The following STRBP variants were observed in gnomAD, a reference collection of about 807,000 sequenced individuals.
STRBP encodes the protein spermatid perinuclear RNA-binding protein.
In STRBP, 13 loss-of-function variants were observed where a neutral mutation model predicts 80.1. That is an observed-to-expected ratio of 0.16 (90% confidence interval 0.11 to 0.26). The LOEUF is 0.26. STRBP is among the 10% of genes least tolerant of loss of function. The pLI, the probability that STRBP is intolerant of heterozygous loss-of-function variation, is 1.00. For missense variants in STRBP, 485 were observed against 815.2 expected (o/e 0.59, Z 4.93); for synonymous variants, 284 against 291.2 (o/e 0.98, Z 0.25).
At chr9:123,185,948 C>T (rs1351470219) in intron 2 of STRBP, among the ~76,000 whole-genome samples, 1 of 147,990 alleles carries the variant, frequency 6.8e-6, no homozygotes, top group African/African-American at 2.5e-5. Context: ...AGGAGAATGG[C>T]GTGAACCCGG....
rs374863381 is a variant in STRBP, at chr9:123,253,696, T to C, written c.-302+14740A>G. Among the ~76,000 whole-genome samples, 19 of 152,388 alleles carry C rather than the reference T, an allele frequency of 1.2e-4. No homozygotes were observed. The East Asian group carries it at 3.3e-3, about 26-fold the overall frequency. On this transcript the variant is annotated intron_variant, in intron 1 of 18. Transcript: ENST00000348403. ...CTGCTATCAGCATTATTATTCATTA[T>C]GTGCCTGACACATTCTTTTTTGATG... is the stretch of plus-strand genomic sequence containing the variant.
intron 11 of STRBP, among the ~76,000 whole-genome samples, chr9:123,149,302 T>G (rs1263784777): frequency 1.3e-5 from 2 of 152,252 alleles, no homozygotes; most frequent in East Asian, 3.8e-4. Flanking sequence ...CAACGTTGGC[T>G]GAGTATTATA....
chr9:123,138,970 T>C (rs1020259642), intron 14 of STRBP, among the ~76,000 whole-genome samples: 2 of 152,222 alleles, frequency 1.3e-5, no homozygotes, highest in Non-Finnish European at 2.9e-5. Flanking sequence ...GTACTGTGTA[T>C]ACTCAGTACT....
chr9:123,213,313 C>G (rs2039777671), intron 2 of STRBP, among the ~76,000 whole-genome samples: 1 of 152,174 alleles, frequency 6.6e-6, no homozygotes, highest in South Asian at 2.1e-4. Flanking sequence ...CTGACAAAAT[C>G]TCAGTTATTC....
At chr9:123,148,149 C>A (rs138100012) in intron 11 of STRBP, among the ~76,000 whole-genome samples, 1,628 of 152,194 alleles carry the variant, frequency 0.011, 7 homozygotes, top group Admixed American at 0.015. Flanking sequence ...CTGAATGTGT[C>A]CCCCCAAAAT....
rs2035883243 is a variant in STRBP at position 123,126,097 on chromosome 9, G to A, written c.1943-424C>T. On this transcript the variant is annotated intron_variant, in intron 18 of 18. Coordinates refer to ENST00000348403, the MANE Select transcript of STRBP (RefSeq NM_018387.5). The surrounding 1 kb of genome is among the most constrained non-coding windows in gnomAD (Gnocchi z 4.4). The stretch of plus-strand genomic sequence containing the variant: ...GACCTCAGCTCCAGCTGGAGCCATG[G>A]CCAGGCGTTTACTTAACTTCTTAAT... Among the ~76,000 whole-genome samples the A allele has an allele frequency of 6.6e-6, 1 of 152,236 alleles. No homozygotes were observed. Among genetic ancestry groups the A allele is most frequent in the African/African-American group, 2.4e-5 (1 of 41,470 alleles).
intron 2 of STRBP, among the ~76,000 whole-genome samples, chr9:123,221,200 G>A (rs2040055505): frequency 6.6e-6 from 1 of 152,078 alleles, no homozygotes; most frequent in South Asian, 2.1e-4. Flanking sequence ...CTACTAAGGG[G>A]TGCCCCTTTC....
At chr9:123,259,958 G>A (rs2041125384) in intron 1 of STRBP, among the ~76,000 whole-genome samples, 1 of 152,226 alleles carries the variant, frequency 6.6e-6, no homozygotes, top group Non-Finnish European at 1.5e-5. Context: ...ACAGTTTTCA[G>A]TAGAGTGGTG....
At chr9:123,119,771 C>T (rs2035701227), downstream of STRBP, among the ~76,000 whole-genome samples, 1 of 152,154 alleles carries the variant, frequency 6.6e-6, no homozygotes, top group South Asian at 2.1e-4. Flanking sequence ...CTGTTCAAAA[C>T]ATATTATGTG....
chr9:123,185,229 T>C, intron 2 of STRBP, among the ~76,000 whole-genome samples: 1 of 152,188 alleles, frequency 6.6e-6, no homozygotes, highest in East Asian at 1.9e-4. Flanking sequence ...TAAATATCTT[T>C]CCTTTAATAA....
intron 18 of STRBP, among the ~76,000 whole-genome samples, chr9:123,127,759 T>C (rs1247782586): frequency 6.6e-6 from 1 of 152,134 alleles, no homozygotes. Context: ...AAAGCAAAGT[T>C]ATGGAAAAGA....
intron 1 of STRBP, among the ~76,000 whole-genome samples, chr9:123,241,121 G>T (rs144403216): frequency 9.4e-4 from 142 of 151,602 alleles, no homozygotes; most frequent in African/African-American, 3.1e-3. Flanking sequence ...GGAGGTTGCG[G>T]TGAGCCAAGA....
chr9:123,222,764 G>C (rs964867488), intron 2 of STRBP, among the ~76,000 whole-genome samples: 2 of 152,058 alleles, frequency 1.3e-5, no homozygotes, highest in African/African-American at 2.4e-5. Context: ...AAAGGAGAAG[G>C]CACCAAACCC....
At chr9:123,266,975 C>T (rs2041281082) in intron 1 of STRBP, among the ~76,000 whole-genome samples, 1 of 151,852 alleles carries the variant, frequency 6.6e-6, no homozygotes, top group African/African-American at 2.4e-5. Context: ...CAGTCTATCC[C>T]GTTGTCCCCC....
chr9:123,218,168 T>C (rs1361353536), intron 2 of STRBP, among the ~76,000 whole-genome samples: 1 of 152,132 alleles, frequency 6.6e-6, no homozygotes, highest in Non-Finnish European at 1.5e-5. Context: ...ATTACCTCCT[T>C]CTCTCTCTTC....
chr9:123,184,516 T>C (rs1172530919), intron 2 of STRBP, among the ~76,000 whole-genome samples: 1 of 152,182 alleles, frequency 6.6e-6, no homozygotes, highest in Non-Finnish European at 1.5e-5. Context: ...AGCTACAATG[T>C]GGCAGCTGGC....
At chr9:123,139,724 C>G (rs1375502631) in intron 13 of STRBP, 37 bp from the exon 14 acceptor site, 1 of 1,592,370 alleles carries the variant, frequency 6.3e-7, no homozygotes, top group African/African-American at 1.4e-5. Context: ...TTTATTCAGA[C>G]ACGAGAAACC....
chr9:123,133,041 CACA>C (rs775182122), intron 16 of STRBP, 73 bp from the exon 17 acceptor site: 168 of 1,564,712 alleles, frequency 1.1e-4, no homozygotes, highest in Non-Finnish European at 1.3e-4. Flanking sequence ...CTCTTCAACG[CACA>C]ACAACTATGA....
chr9:123,263,489 CA>C (rs1350573519), intron 1 of STRBP, among the ~76,000 whole-genome samples: 2 of 139,144 alleles, frequency 1.4e-5, no homozygotes, highest in African/African-American at 5.5e-5. Context: ...CACACCACCA[CA>C]CTCCAGCCTG....
Sources: allele counts gnomAD v4.1 joint callset (sites outside exome capture counted in the v4.1 genomes callset), GRCh38; gene constraint gnomAD v4.1.1; non-coding constraint Gnocchi (gnomAD v3.1); transcripts MANE v1.5; gene names NCBI Gene and HGNC (gene_info 2026-07-23, HGNC 2026-07-21).